TRAPPC10: variants seen among roughly 807,000 people sequenced by gnomAD.
TRAPPC10 encodes trafficking protein particle complex subunit 10.
TRAPPC10 carries 23 observed loss-of-function variants against 125.5 expected under a neutral mutation model. That is an observed-to-expected ratio of 0.18 (90% CI 0.13 to 0.26). The LOEUF is 0.26. TRAPPC10 is among the 10% of genes least tolerant of loss of function. The pLI is 1.00. For synonymous variants in TRAPPC10, 509 were observed against 518.0 expected (o/e 0.98, Z 0.24); for missense variants, 1,123 against 1,308.4 (o/e 0.86, Z 2.19).
intron 20 of TRAPPC10, among the ~76,000 whole-genome samples, chr21:44,095,984 T>C (rs1270742970): frequency 2.5e-5 from 3 of 120,534 alleles, no homozygotes; most frequent in Non-Finnish European, 5.1e-5. Context: ...TGCCAACTTT[T>C]TCCAGAGGGC....
intron 1 of TRAPPC10, among the ~76,000 whole-genome samples, chr21:44,015,297 G>A (rs576967737): frequency 6.6e-6 from 1 of 152,260 alleles, no homozygotes; most frequent in South Asian, 2.1e-4. Flanking sequence ...AATGTAACTG[G>A]TTCAGGTGAA....
intron 2 of TRAPPC10, among the ~76,000 whole-genome samples, chr21:44,036,651 G>A (rs994185746): frequency 2.6e-5 from 4 of 152,194 alleles, no homozygotes; most frequent in African/African-American, 9.7e-5. Flanking sequence ...GACCCTCTGA[G>A]TAATTAAAGG....
At chr21:44,043,306 C>T (rs374095260) in intron 3 of TRAPPC10, among the ~76,000 whole-genome samples, 5 of 148,854 alleles carry the variant, frequency 3.4e-5, no homozygotes, top group Admixed American at 2.7e-4. Flanking sequence ...CTTTACCTCC[C>T]GGGTTCAAGC....
At position 44,075,136 on chromosome 21, in the gene TRAPPC10, C is replaced by T; in HGVS notation, c.1283C>T (p.Ala428Val). 2 of 1,613,974 alleles carry T rather than the reference C, an allele frequency of 1.2e-6. No homozygotes were observed. The highest frequency in any genetic ancestry group is 1.7e-6 in the Non-Finnish European group (2 of 1,179,864). Residue 428 changes from alanine (A) to valine (V), a missense_variant, in exon 9 of 23, where the codon GCT becomes GTT. Ala to Val is a moderately conservative substitution (Grantham distance 64). This residue lies in a region of TRAPPC10 where 840 missense variants were observed against 902.0 expected (regional missense o/e 0.93). Coordinates refer to ENST00000291574, the MANE Select transcript of TRAPPC10 (RefSeq NM_003274.5). Reference sequence around the variant, plus strand: ...GTTGACCTTTTGGCAGGTTTGGGAGCTGAGCGACCAGAAACAGGTACTTTT... The same window carrying T: ...GTTGACCTTTTGGCAGGTTTGGGAGTTGAGCGACCAGAAACAGGTACTTTT... ...RTVDLLAGLGAERPETANTAQ... is the reference protein window; with the variant it reads ...RTVDLLAGLGVERPETANTAQ...
At chr21:44,025,824 GTGTGTGTGTGTGTGTGT>G (rs2032995855) in intron 1 of TRAPPC10, among the ~76,000 whole-genome samples, 1 of 1,534 alleles carries the variant, frequency 6.5e-4, no homozygotes, top group African/African-American at 2.3e-3. Context: ...GGGCAGGGGT[GTGTGTGTGTGTGTGTGT>G]GTGTGTGTGT....
Position 44,055,739 on chromosome 21 carries a change from C to T in TRAPPC10, c.524C>T (p.Thr175Ile). 1 of 1,612,856 alleles carries T rather than the reference C, an allele frequency of 6.2e-7. No homozygotes were observed. The highest frequency in any genetic ancestry group is 2.2e-5 in the East Asian group (1 of 44,844). ...LSDPLKDSSRTQESWNAFLTK... is the reference protein window; with the variant it reads ...LSDPLKDSSRIQESWNAFLTK... Reference sequence around the variant, plus strand: ...GACCCCTTGAAGGACTCTTCTCGAACTCAGGAATCCTGGAATGCCTTCCTG... The same window carrying T: ...GACCCCTTGAAGGACTCTTCTCGAATTCAGGAATCCTGGAATGCCTTCCTG... The change falls in exon 5 of 23, where the codon ACT (threonine) becomes ATT (isoleucine). Residue 175 changes from threonine to isoleucine, a missense_variant. Physicochemically the swap from Thr to Ile is moderately conservative, Grantham distance 89. This residue lies in a region of TRAPPC10 where 177 missense variants were observed against 228.9 expected (regional missense o/e 0.77). Transcript: ENST00000291574.
intron 7 of TRAPPC10, among the ~76,000 whole-genome samples, chr21:44,073,293 C>T (rs555916756): frequency 1.3e-5 from 2 of 152,236 alleles, no homozygotes; most frequent in African/African-American, 4.8e-5. Context: ...GTTTCCCCGG[C>T]ATTGGCAGCT....
intron 6 of TRAPPC10, among the ~76,000 whole-genome samples, chr21:44,062,297 G>A (rs2036116839): frequency 6.6e-6 from 1 of 152,194 alleles, no homozygotes; most frequent in Non-Finnish European, 1.5e-5. Flanking sequence ...TCTAAATACA[G>A]GGAGGAATAA....
chr21:44,090,611 G>A (rs927436254), intron 18 of TRAPPC10, among the ~76,000 whole-genome samples: 2 of 152,184 alleles, frequency 1.3e-5, no homozygotes, highest in African/African-American at 4.8e-5. Context: ...TGAGGCAGGC[G>A]GGGCTGTGTG....
At chr21:44,079,481 G>A (rs1256863100) in intron 11 of TRAPPC10, 83 bp from the exon 12 acceptor site, 15 of 1,489,686 alleles carry the variant, frequency 1.0e-5, no homozygotes, top group Non-Finnish European at 9.0e-7. Flanking sequence ...CTGGAGGATG[G>A]AGGCCAAAGC....
intron 1 of TRAPPC10, among the ~76,000 whole-genome samples, chr21:44,030,839 T>C (rs1266201653): frequency 6.6e-6 from 1 of 152,232 alleles, no homozygotes; most frequent in Non-Finnish European, 1.5e-5. Flanking sequence ...AAACATACTG[T>C]TTTTGTGTTA....
Position 44,037,794 on chromosome 21 carries a change from C to G in TRAPPC10, c.152C>G (p.Ser51Cys), listed in dbSNP as rs1380292149. ...TGACTTCAAACAATTGTTTACAGGT[C>G]CTATGGCCGGGCTCCGAAGATGATT... Reference protein sequence around the residue: ...LPREPMEWRRSYGRAPKMIHL... With the variant: ...LPREPMEWRRCYGRAPKMIHL... Residue 51 changes from serine (S) to cysteine (C), a missense_variant and splice_region_variant, in exon 3 of 23, where the codon TCC (serine) becomes TGC (cysteine). This residue lies in a region of TRAPPC10 where 177 missense variants were observed against 228.9 expected (regional missense o/e 0.77). Transcript: ENST00000291574. 3.1e-6 allele frequency: 5 copies of G among 1,613,106 alleles called. No homozygotes were observed. In the South Asian group the frequency reaches 5.5e-5, roughly 18 times the overall value.
intron 7 of TRAPPC10, among the ~76,000 whole-genome samples, chr21:44,069,124 G>C (rs998433221): frequency 6.6e-6 from 1 of 152,122 alleles, no homozygotes; most frequent in Admixed American, 6.5e-5. Flanking sequence ...TCCTTAAATA[G>C]GACATGAAAC....
At position 44,063,105 on chromosome 21, in the gene TRAPPC10, A is replaced by G. The variant is rs1363096612; in HGVS notation, c.791-433A>G. ...TGAGTTAGGGAAATAAGGAAGGAAT[A>G]TGTAATCTAAGGAAGACCAAAAAAC... On this transcript the variant is annotated intron_variant, in intron 6 of 22. Coordinates refer to ENST00000291574, the MANE Select transcript of TRAPPC10 (RefSeq NM_003274.5). The surrounding 1 kb of genome is among the most constrained non-coding windows in gnomAD (Gnocchi z 4.4). 1.5e-6 allele frequency: 2 copies of G among 1,304,734 alleles called. No individual in the cohort carries two copies. Among genetic ancestry groups the G allele is most frequent in the Non-Finnish European group, 2.0e-6 (2 of 989,768 alleles). 80.8% of individuals were successfully genotyped at this position (1,304,734 alleles called of 1,614,324 possible).
chr21:44,024,594 A>T (rs139209768), intron 1 of TRAPPC10, among the ~76,000 whole-genome samples: 60 of 152,350 alleles, frequency 3.9e-4, no homozygotes, highest in African/African-American at 1.3e-3. Flanking sequence ...AGGAATGAAC[A>T]GTCAAATTAC....
chr21:44,044,873 C>A (rs1168292105), intron 3 of TRAPPC10, among the ~76,000 whole-genome samples: 2 of 151,934 alleles, frequency 1.3e-5, no homozygotes, highest in African/African-American at 4.8e-5. Context: ...GCCATGTTGG[C>A]CAGGCCATTC....
intron 3 of TRAPPC10, among the ~76,000 whole-genome samples, 155 bp downstream of exon 3, chr21:44,038,082 C>T (rs573543342): frequency 1.0e-4 from 15 of 148,164 alleles, no homozygotes; most frequent in African/African-American, 2.3e-4. Flanking sequence ...GGGAAGAGGA[C>T]GCGCGGTGGG....
intron 1 of TRAPPC10, among the ~76,000 whole-genome samples, chr21:44,030,089 C>T: frequency 6.6e-6 from 1 of 152,182 alleles, no homozygotes; most frequent in Non-Finnish European, 1.5e-5. Context: ...TGGTAGTCTC[C>T]ATTTAGACGA....
At position 44,012,514 on chromosome 21, in the gene TRAPPC10, G is replaced by C; in HGVS notation, c.21G>C (p.Pro7=). 4 of 1,529,380 alleles carry C rather than the reference G, an allele frequency of 2.6e-6. No individual in the cohort carries two copies. Among genetic ancestry groups the C allele is most frequent in the Non-Finnish European group, 3.5e-6 (4 of 1,136,116 alleles). 94.7% of individuals were successfully genotyped at this position (1,529,380 alleles called of 1,614,324 possible). Reference sequence around the variant, plus strand: ...CGCCCATGGACGCCTCTGAGGAGCCGCTGCCGCCGGTGATCTACACCATGG... The same window carrying C: ...CGCCCATGGACGCCTCTGAGGAGCCCCTGCCGCCGGTGATCTACACCATGG... MDASEE[P]LPPVIYTMEN... The change falls in exon 1 of 23, where the codon CCG becomes CCC. Residue 7 remains proline (P), a synonymous_variant. Coordinates refer to ENST00000291574, the MANE Select transcript of TRAPPC10 (RefSeq NM_003274.5).
Sources: allele counts gnomAD v4.1 joint callset (sites outside exome capture counted in the v4.1 genomes callset), GRCh38; gene constraint gnomAD v4.1.1; regional missense constraint gnomAD v4.1.1; non-coding constraint Gnocchi (gnomAD v3.1); transcripts MANE v1.5; gene names NCBI Gene and HGNC (gene_info 2026-07-23, HGNC 2026-07-21).